Variants in C1orf21 observed in about 807,000 individuals in gnomAD.
C1orf21 encodes uncharacterized protein C1orf21.
A neutral mutation model predicts 18.7 loss-of-function variants in C1orf21; 3 were observed. That is an observed-to-expected ratio of 0.16 (90% CI 0.07 to 0.42). The LOEUF is 0.42. Ranked by LOEUF, C1orf21 falls within the 10% of genes least tolerant of loss-of-function variation. The pLI, the probability that C1orf21 is intolerant of heterozygous loss-of-function variation, is 0.99. For missense variants in C1orf21, 104 were observed against 143.6 expected, an observed-to-expected ratio of 0.72 and a Z score of 1.41; for synonymous variants, 41 against 46.4, an observed-to-expected ratio of 0.88 and a Z score of 0.47.
rs144908870 is a variant in C1orf21, at chr1:184,480,760, G to A, written c.94+3157G>A. 7.4e-3 allele frequency among the ~76,000 whole-genome samples: 1,130 copies of A among 152,290 alleles called. 6 individuals carry two copies. Among genetic ancestry groups the A allele is most frequent in the Middle Eastern group, 0.02 (6 of 294 alleles). ...CACTGTTTTGCTTTTGGGGCAGAAA[G>A]CATGGACTTTTAAAGGGGGACTTGG... On this transcript the variant is annotated intron_variant, in intron 2 of 5. Transcript: ENST00000235307.
intron 3 of C1orf21, among the ~76,000 whole-genome samples, chr1:184,556,661 T>C (rs1040580333): frequency 1.3e-5 from 2 of 152,152 alleles, no homozygotes; most frequent in East Asian, 3.8e-4. Context: ...ATTCCACATG[T>C]TGAGGAAGAA....
chr1:184,461,136 C>T (rs1050646450), intron 1 of C1orf21, among the ~76,000 whole-genome samples: 1 of 152,142 alleles, frequency 6.6e-6, no homozygotes, highest in Non-Finnish European at 1.5e-5. Context: ...CTTTGAACTT[C>T]CTTCTAGGCA....
At chr1:184,587,549 TG>T (rs2101997722) in intron 3 of C1orf21, among the ~76,000 whole-genome samples, 1 of 147,680 alleles carries the variant, frequency 6.8e-6, no homozygotes, top group African/African-American at 2.6e-5. Context: ...TGTGTGTGTG[TG>T]TGTGTGTGTG....
At chr1:184,575,023 A>T (rs7520700) in intron 3 of C1orf21, among the ~76,000 whole-genome samples, 23,408 of 152,162 alleles carry the variant, frequency 0.15, 2,204 homozygotes, top group African/African-American at 0.25. Context: ...TACGCAAATG[A>T]AGAAACTCGG....
At chr1:184,493,105 C>A (rs1657838472) in intron 2 of C1orf21, among the ~76,000 whole-genome samples, 1 of 152,132 alleles carries the variant, frequency 6.6e-6, no homozygotes. Context: ...ATATAAAATT[C>A]TCTAAAATGT....
chr1:184,439,226 A>C (rs35901887), intron 1 of C1orf21, among the ~76,000 whole-genome samples: 11,794 of 151,806 alleles, frequency 0.078, 572 homozygotes, highest in African/African-American at 0.12. Flanking sequence ...AAAAAACCAA[A>C]ACCAAAACAA....
At chr1:184,558,474 A>G (rs750647441) in intron 3 of C1orf21, among the ~76,000 whole-genome samples, 4 of 152,216 alleles carry the variant, frequency 2.6e-5, no homozygotes, top group South Asian at 2.1e-4. Flanking sequence ...CAAAGTCAAA[A>G]TGTACATAAA....
At chr1:184,511,899 G>A (rs1373325717) in intron 3 of C1orf21, among the ~76,000 whole-genome samples, 1 of 152,094 alleles carries the variant, frequency 6.6e-6, no homozygotes, top group Admixed American at 6.5e-5. Context: ...AACAGCATGG[G>A]GGAACTGCCC....
intron 3 of C1orf21, among the ~76,000 whole-genome samples, chr1:184,585,291 G>A (rs982530763): frequency 1.3e-5 from 2 of 152,146 alleles, no homozygotes; most frequent in African/African-American, 4.8e-5. Flanking sequence ...ATGCACTGAT[G>A]CTGCAACAGC....
chr1:184,455,724 A>G (rs1657189005), intron 1 of C1orf21, among the ~76,000 whole-genome samples: 3 of 152,146 alleles, frequency 2.0e-5, no homozygotes, highest in Non-Finnish European at 4.4e-5. Flanking sequence ...TCCTGGCACT[A>G]CCAGGGCCTG....
intron 1 of C1orf21, among the ~76,000 whole-genome samples, chr1:184,457,292 TG>T (rs1451622809): frequency 1.3e-5 from 2 of 152,178 alleles, no homozygotes; most frequent in African/African-American, 4.8e-5. Flanking sequence ...TGAGTAAAAC[TG>T]GTTACCTGCT....
At position 184,489,971 on chromosome 1, in the gene C1orf21, A is replaced by G. The variant is rs188384614; in HGVS notation, c.94+12368A>G. Among the ~76,000 whole-genome samples the G allele has an allele frequency of 2.6e-5, 4 of 152,346 alleles. No individual in the cohort carries two copies. In the East Asian group the frequency reaches 7.7e-4, roughly 29 times the overall value. On this transcript the variant is annotated intron_variant, in intron 2 of 5. Coordinates refer to ENST00000235307, the MANE Select transcript of C1orf21 (RefSeq NM_030806.4). ...ACTACAACTGTTTATTTTGATAAAT[A>G]TAATTCAAATGTTTCCATCTCCAGA...
chr1:184,537,038 A>G (rs572439233), intron 3 of C1orf21, among the ~76,000 whole-genome samples: 2 of 152,168 alleles, frequency 1.3e-5, no homozygotes, highest in African/African-American at 4.8e-5. Flanking sequence ...CCCAGGTTAT[A>G]TACGGGCTAT....
At chr1:184,489,953 C>A (rs1207041239) in intron 2 of C1orf21, among the ~76,000 whole-genome samples, 1 of 152,204 alleles carries the variant, frequency 6.6e-6, no homozygotes, top group Non-Finnish European at 1.5e-5. Context: ...TTCACTACAA[C>A]TGTTTATTTT....
intron 5 of C1orf21, among the ~76,000 whole-genome samples, chr1:184,600,920 T>C (rs1659577050): frequency 6.6e-6 from 1 of 152,232 alleles, no homozygotes; most frequent in African/African-American, 2.4e-5. Flanking sequence ...CTCCTTAATA[T>C]ATGTGTTTGC....
At chr1:184,447,932 C>T (rs1389142647) in intron 1 of C1orf21, among the ~76,000 whole-genome samples, 1 of 152,128 alleles carries the variant, frequency 6.6e-6, no homozygotes, top group Non-Finnish European at 1.5e-5. Flanking sequence ...ATTTCCTGAC[C>T]TCCGTCCTCA....
intron 3 of C1orf21, among the ~76,000 whole-genome samples, chr1:184,584,555 G>A (rs1261618458): frequency 2.6e-5 from 4 of 152,138 alleles, no homozygotes; most frequent in Admixed American, 6.5e-5. Flanking sequence ...TAATCTAGCA[G>A]TTCTACTCCT....
intron 3 of C1orf21, among the ~76,000 whole-genome samples, chr1:184,521,450 A>C (rs900217771): frequency 2.6e-5 from 4 of 152,186 alleles, no homozygotes; most frequent in African/African-American, 9.7e-5. Context: ...TAGTAATAAG[A>C]AGGAATGAGC....
chr1:184,424,687 T>C (rs140976264), intron 1 of C1orf21, among the ~76,000 whole-genome samples: 83 of 152,290 alleles, frequency 5.5e-4, no homozygotes, highest in Admixed American at 1.1e-3. Flanking sequence ...ATGGGTTTAG[T>C]ATGCTAATAC....
Sources: allele counts gnomAD v4.1 joint callset (sites outside exome capture counted in the v4.1 genomes callset), GRCh38; gene constraint gnomAD v4.1.1; transcripts MANE v1.5; gene names NCBI Gene and HGNC (gene_info 2026-07-23, HGNC 2026-07-21).